Variants in PCLO observed in about 807,000 individuals in gnomAD.
PCLO encodes the protein protein piccolo.
A neutral mutation model predicts 427.5 loss-of-function variants in PCLO; 82 were observed. That is an observed-to-expected ratio of 0.19 (90% CI 0.16 to 0.23). PCLO has a LOEUF of 0.23. Among genes scored for constraint, PCLO ranks in the 10% least tolerant of loss-of-function variants. The pLI is 1.00. For synonymous variants in PCLO, 2,357 were observed against 2,155.4 expected (o/e 1.09, Z -2.59); for missense variants, 6,239 against 6,115.9 (o/e 1.02, Z -0.67).
rs371465366 is a variant in PCLO, at chr7:82,952,840, G to C, written c.8113C>G (p.Leu2705Val). 8.7e-6 allele frequency: 14 copies of C among 1,613,786 alleles called. No individual in the cohort carries two copies. The highest frequency in any genetic ancestry group is 1.7e-5 in the Admixed American group (1 of 60,014). Residue 2705 changes from leucine (L) to valine (V), a missense_variant, in exon 5 of 25, where the codon CTA (leucine) becomes GTA (valine). Transcript: ENST00000333891. ...SITIPPEPLA[L>V]DNIHLEKPQY... ...GGCTTCTCTAAATGTATGTTATCTAGAGCAAGAGGCTCTGGAGGAATTGTT... is the reference window on the plus strand; with the variant it reads ...GGCTTCTCTAAATGTATGTTATCTACAGCAAGAGGCTCTGGAGGAATTGTT...
chr7:83,159,425 A>G (rs1004884066), intron 1 of PCLO, among the ~76,000 whole-genome samples: 26 of 152,056 alleles, frequency 1.7e-4, no homozygotes, highest in Non-Finnish European at 1.0e-4. Flanking sequence ...TGTAACTGTA[A>G]ATAGAAAGAG....
At chr7:82,829,057 A>G (rs1212156718) in intron 16 of PCLO, among the ~76,000 whole-genome samples, 1 of 152,104 alleles carries the variant, frequency 6.6e-6, no homozygotes, top group East Asian at 1.9e-4. Context: ...AAGTATTGCC[A>G]TATCCTGGAT....
rs922463778 is a variant in PCLO at position 83,116,781 on chromosome 7, C to T, written c.3300+17469G>A. On this transcript the variant is annotated intron_variant, in intron 3 of 24. Transcript: ENST00000333891. ...GTATCCTTAACTAACATCTCCTCAA[C>T]TCCCACGCCAAACATGTCAGGCCTG... 6.6e-5 allele frequency among the ~76,000 whole-genome samples: 10 copies of T among 152,208 alleles called. 1 individual carries two copies. Among genetic ancestry groups the T allele is most frequent in the Admixed American group, 6.5e-4 (10 of 15,272 alleles).
intron 9 of PCLO, among the ~76,000 whole-genome samples, chr7:82,890,270 A>T (rs1785746870): frequency 6.6e-6 from 1 of 152,176 alleles, no homozygotes; most frequent in South Asian, 2.1e-4. Context: ...TTATTTGAAC[A>T]AAGAGAAGCA....
chr7:83,029,932 AG>A (rs1282806271), intron 3 of PCLO, among the ~76,000 whole-genome samples: 1 of 139,800 alleles, frequency 7.2e-6, no homozygotes, highest in Non-Finnish European at 1.5e-5. Context: ...GGACACAGGA[AG>A]GGGAACACCA....
chr7:83,047,070 A>G (rs553816798), intron 3 of PCLO, among the ~76,000 whole-genome samples: 1 of 152,188 alleles, frequency 6.6e-6, no homozygotes, highest in East Asian at 1.9e-4. Context: ...AGCAAAAGCC[A>G]AAAAAGGAAA....
intron 22 of PCLO, among the ~76,000 whole-genome samples, chr7:82,782,893 C>T (rs1790903830): frequency 1.3e-5 from 2 of 152,190 alleles, no homozygotes; most frequent in Admixed American, 6.5e-5. Flanking sequence ...CATCTACTCC[C>T]AAATGCATAT....
chr7:82,820,581 A>T, intron 20 of PCLO: 1 of 1,228,232 alleles, frequency 8.1e-7, no homozygotes. Context: ...CGAGTGGAAA[A>T]TGTCTGTTTG....
At chr7:82,924,433 A>G (rs1428523839) in intron 6 of PCLO, among the ~76,000 whole-genome samples, 1 of 152,128 alleles carries the variant, frequency 6.6e-6, no homozygotes, top group Non-Finnish European at 1.5e-5. Flanking sequence ...ATTAGAACAC[A>G]GGAAGAAAAA....
At chr7:83,028,067 C>T (rs1246400562) in intron 3 of PCLO, among the ~76,000 whole-genome samples, 22 of 150,528 alleles carry the variant, frequency 1.5e-4, no homozygotes, top group Middle Eastern at 3.5e-3. Flanking sequence ...TGCCCTCTCT[C>T]ACCACTCCTA....
intron 4 of PCLO, among the ~76,000 whole-genome samples, chr7:82,958,586 T>C (rs1795585158): frequency 6.6e-6 from 1 of 152,200 alleles, no homozygotes; most frequent in African/African-American, 2.4e-5. Flanking sequence ...AAAGACAGTG[T>C]GATATATTCT....
Position 83,029,539 on chromosome 7 carries a change from G to A in PCLO, c.3301-63052C>T, listed in dbSNP as rs1788604082. On this transcript the variant is annotated intron_variant, in intron 3 of 24. Transcript: ENST00000333891. The stretch of plus-strand genomic sequence containing the variant: ...GACTGTAAACTAGTTCAACCATTGT[G>A]GAAGTCAGTGTGGCGATTCCTCAGG... 3.4e-5 allele frequency among the ~76,000 whole-genome samples: 4 copies of A among 116,788 alleles called. No homozygotes were observed. In the South Asian group the frequency reaches 1.4e-3, roughly 40 times the overall value. The allele number at this position is 116,788 out of a possible 152,430, so 76.6% of individuals were successfully genotyped here.
At chr7:82,799,430 T>C (rs1439554502) in intron 22 of PCLO, among the ~76,000 whole-genome samples, 1 of 152,156 alleles carries the variant, frequency 6.6e-6, no homozygotes, top group Non-Finnish European at 1.5e-5. Flanking sequence ...ATATGCAAAT[T>C]CTGTCAACTG....
intron 20 of PCLO, among the ~76,000 whole-genome samples, chr7:82,814,195 C>A (rs1791629347): frequency 6.6e-6 from 1 of 151,506 alleles, no homozygotes; most frequent in South Asian, 2.1e-4. Context: ...TAATCTATAT[C>A]ATTCCCAATA....
intron 3 of PCLO, among the ~76,000 whole-genome samples, chr7:83,120,438 A>T (rs1791248316): frequency 6.6e-6 from 1 of 151,658 alleles, no homozygotes; most frequent in Non-Finnish European, 1.5e-5. Context: ...TCAAGGAAAT[A>T]ATAGAGAATA....
In PCLO at chr7:83,131,305, C is replaced by T. The variant is rs76923160; in HGVS notation, c.3300+2945G>A. ...GGCTTAGGTTGAGGTCTGGCTGCAC[C>T]CCAGGGCCTGCAGGCAGCCGTTGGC... On this transcript the variant is annotated intron_variant, in intron 3 of 24. Transcript: ENST00000333891. Among the ~76,000 whole-genome samples, 496 of 152,198 alleles carry T rather than the reference C, an allele frequency of 3.3e-3. 30 individuals are homozygous for T. In the East Asian group the frequency reaches 0.082, roughly 25 times the overall value.
chr7:83,150,917 T>C (rs1792112829), intron 2 of PCLO, among the ~76,000 whole-genome samples: 1 of 152,212 alleles, frequency 6.6e-6, no homozygotes, highest in Non-Finnish European at 1.5e-5. Flanking sequence ...CCCAGAGTGT[T>C]ACATCCTCTT....
chr7:82,933,635 T>A (rs766255266), intron 6 of PCLO, among the ~76,000 whole-genome samples: 3 of 151,752 alleles, frequency 2.0e-5, no homozygotes, highest in Non-Finnish European at 2.9e-5. Context: ...GTTACAAAAC[T>A]GTGATATATT....
At chr7:82,762,965 G>T (rs1480650191) in intron 22 of PCLO, among the ~76,000 whole-genome samples, 1 of 151,920 alleles carries the variant, frequency 6.6e-6, no homozygotes, top group Non-Finnish European at 1.5e-5. Context: ...TTTAGAGATA[G>T]GGTCTCACTC....
Sources: allele counts gnomAD v4.1 joint callset (sites outside exome capture counted in the v4.1 genomes callset), GRCh38; gene constraint gnomAD v4.1.1; transcripts MANE v1.5; gene names NCBI Gene and HGNC (gene_info 2026-07-23, HGNC 2026-07-21).